The following UTP4 variants were observed in gnomAD, a reference collection of about 807,000 sequenced individuals.
The protein encoded by UTP4 is U3 small nucleolar RNA-associated protein 4 homolog.
UTP4 carries 45 observed loss-of-function variants against 82.4 expected under a neutral mutation model. The observed-to-expected ratio is 0.55, with a 90% confidence interval of 0.43 to 0.70. The LOEUF (loss-of-function observed/expected upper bound fraction) is 0.70, where lower values mean the gene tolerates loss of function less well. Ranked by LOEUF, UTP4 falls within the 30% of genes least tolerant of loss-of-function variation. The pLI is 0.00. For synonymous variants in UTP4, 348 were observed against 300.3 expected (o/e 1.16, Z -1.64); for missense variants, 819 against 858.3 (o/e 0.95, Z 0.57).
At position 69,150,859 on chromosome 16, in the gene UTP4, A is replaced by G. The variant is rs138645239; in HGVS notation, c.957A>G (p.Glu319=). Residue 319 remains glutamate, a synonymous_variant, in exon 8 of 17, where the codon GAA becomes GAG. Coordinates refer to ENST00000314423, the MANE Select transcript of UTP4 (RefSeq NM_032830.3). ...TTCGTCCTCTCATGGAGAAGGTGGA[A>G]GTAAAGAATTACGATGCCGCTCTCC... The part of the protein sequence containing the change: ...LVFRPLMEKV[E]VKNYDAALRK... The G allele has an allele frequency of 8.8e-4, 1,423 of 1,614,172 alleles. 9 individuals are homozygous for G. The African/African-American group carries it at 0.018, about 20-fold the overall frequency.
chr16:69,139,948 G>A, intron 5 of UTP4, 34 bp downstream of exon 5: 3 of 1,474,736 alleles, frequency 2.0e-6, no homozygotes, highest in Non-Finnish European at 2.8e-6. Context: ...TGGGGTGTGG[G>A]TTTTGTCAGA....
chr16:69,149,313 G>A (rs931939232), intron 6 of UTP4, among the ~76,000 whole-genome samples: 2 of 152,128 alleles, frequency 1.3e-5, no homozygotes, highest in African/African-American at 4.8e-5. Context: ...CAAGGAGGCA[G>A]GGGTTGTGGT....
intron 12 of UTP4, 110 bp from the exon 13 acceptor site, chr16:69,160,246 G>C: frequency 1.2e-6 from 1 of 830,308 alleles, no homozygotes; most frequent in Non-Finnish European, 2.1e-6. Flanking sequence ...AATTATCCTG[G>C]CAGTGATTTA....
intron 2 of UTP4, among the ~76,000 whole-genome samples, chr16:69,134,406 CA>C (rs903972311): frequency 2.0e-5 from 3 of 151,706 alleles, no homozygotes; most frequent in Admixed American, 6.6e-5. Flanking sequence ...GCTCAAAGAC[CA>C]GTGGGAGAAA....
chr16:69,162,935 T>A (rs1196287676), intron 13 of UTP4, 148 bp from the exon 14 acceptor site: 3 of 730,226 alleles, frequency 4.1e-6, no homozygotes, highest in Non-Finnish European at 7.5e-6. Context: ...GTTCATTGGT[T>A]GGGGAAATGC....
In UTP4 at chr16:69,160,414, A is replaced by G. The variant is rs1203360706; in HGVS notation, c.1503A>G (p.Ala501=). 2 of 1,614,056 alleles carry G rather than the reference A, an allele frequency of 1.2e-6. No homozygotes were observed. Among genetic ancestry groups the G allele is most frequent in the Non-Finnish European group, 1.7e-6 (2 of 1,180,026 alleles). ...GTCCAGATGGGAATTGGCTAGCTGC[A>G]TCAGGTACCAGTGCTGGAGTCCATG... The part of the protein sequence containing the change: ...AVSPDGNWLA[A]SGTSAGVHVY... Residue 501 remains alanine, a synonymous_variant, in exon 13 of 17, where the codon GCA becomes GCG. Transcript: ENST00000314423.
intron 14 of UTP4, among the ~76,000 whole-genome samples, chr16:69,164,976 A>T (rs1050316168): frequency 6.6e-6 from 1 of 152,136 alleles, no homozygotes; most frequent in Non-Finnish European, 1.5e-5. Flanking sequence ...CGGGCAGATC[A>T]CGAGGTCAGG....
intron 6 of UTP4, among the ~76,000 whole-genome samples, chr16:69,148,568 G>GT (rs1963181963): frequency 1.3e-5 from 2 of 150,790 alleles, no homozygotes; most frequent in South Asian, 4.2e-4. Flanking sequence ...TAGTATAGCT[G>GT]TTTGAGTTCC....
At chr16:69,164,060 A>AT (rs1489561538) in intron 14 of UTP4, among the ~76,000 whole-genome samples, 6 of 151,410 alleles carry the variant, frequency 4.0e-5, no homozygotes, top group African/African-American at 7.3e-5. Flanking sequence ...AATTTTTTGT[A>AT]TTTTTAGTAG....
At chr16:69,163,884 G>T (rs112339090) in intron 14 of UTP4, among the ~76,000 whole-genome samples, 30,819 of 125,972 alleles carry the variant, frequency 0.24, 3,846 homozygotes, top group African/African-American at 0.38. Context: ...TGGTCAGTTT[G>T]TTTTTTTTTT....
intron 1 of UTP4, 102 bp from the exon 2 acceptor site, chr16:69,133,356 T>C (rs1489514568): frequency 8.8e-6 from 10 of 1,137,742 alleles, no homozygotes; most frequent in African/African-American, 1.5e-5. Flanking sequence ...GGAGATGTTG[T>C]TGGAGCCTTC....
chr16:69,154,576 T>TTA, intron 10 of UTP4, 119 bp downstream of exon 10: 1 of 801,738 alleles, frequency 1.2e-6, no homozygotes, highest in Non-Finnish European at 2.1e-6. Context: ...TAAAACTATT[T>TTA]GAATGAAGGA....
chr16:69,145,134 C>T (rs1204203020), intron 6 of UTP4, among the ~76,000 whole-genome samples: 4 of 151,714 alleles, frequency 2.6e-5, no homozygotes, highest in African/African-American at 9.7e-5. Context: ...AAAAGCAGGA[C>T]TCCATCTCAA....
At chr16:69,136,933 C>A in intron 3 of UTP4, 46 bp downstream of exon 3, 1 of 1,507,280 alleles carries the variant, frequency 6.6e-7, no homozygotes, top group Non-Finnish European at 9.2e-7. Flanking sequence ...TTCTCTCGTG[C>A]CTGCTCAGAC....
chr16:69,146,501 G>T (rs1963111282), intron 6 of UTP4, among the ~76,000 whole-genome samples: 1 of 152,220 alleles, frequency 6.6e-6, no homozygotes, highest in South Asian at 2.1e-4. Context: ...TTGTGTGTGT[G>T]TTCTGTTTAT....
chr16:69,147,001 C>CAAAAAAAAAAAAAAAAAAAAAAAA (rs71148965), intron 6 of UTP4, among the ~76,000 whole-genome samples: 3 of 85,788 alleles, frequency 3.5e-5, no homozygotes, highest in Non-Finnish European at 7.0e-5. Context: ...GACTCTGCCT[C>CAAAAAAAAAAAAAAAAAAAAAAAA]AAAAAAAAAA....
chr16:69,144,234 C>G (rs1963048400), intron 6 of UTP4, among the ~76,000 whole-genome samples: 1 of 144,034 alleles, frequency 6.9e-6, no homozygotes, highest in African/African-American at 2.6e-5. Context: ...CGGAGTCTAG[C>G]TCTGTCACCC....
At chr16:69,163,937 G>A (rs1222652024) in intron 14 of UTP4, among the ~76,000 whole-genome samples, 1 of 148,632 alleles carries the variant, frequency 6.7e-6, no homozygotes, top group South Asian at 2.1e-4. Flanking sequence ...CCAGGCTGGA[G>A]TGCAGTGGTG....
At chr16:69,160,264 A>G (rs773907304) in intron 12 of UTP4, 92 bp from the exon 13 acceptor site, 44 of 923,518 alleles carry the variant, frequency 4.8e-5, no homozygotes, top group Non-Finnish European at 7.5e-5. Flanking sequence ...TTAAAACTCT[A>G]ATGGTCTCCT....
Sources: allele counts gnomAD v4.1 joint callset (sites outside exome capture counted in the v4.1 genomes callset), GRCh38; gene constraint gnomAD v4.1.1; transcripts MANE v1.5; gene names NCBI Gene and HGNC (gene_info 2026-07-23, HGNC 2026-07-21).